Variants in AGBL1 observed in about 807,000 individuals in gnomAD.
AGBL1 encodes the protein cytosolic carboxypeptidase 4.
Under a neutral mutation model 118.9 loss-of-function variants are expected in AGBL1, and 130 were observed. The observed-to-expected ratio is 1.09, with a 90% CI of 0.95 to 1.26. AGBL1 has a LOEUF of 1.26. AGBL1 is among the 50% of genes most tolerant of loss of function. The pLI is 0.00. For missense variants in AGBL1, 1,584 were observed against 1,298.1 expected, an observed-to-expected ratio of 1.22 and a Z score of -3.38; for synonymous variants, 555 against 478.9, an observed-to-expected ratio of 1.16 and a Z score of -2.08.
intron 24 of AGBL1, among the ~76,000 whole-genome samples, chr15:86,996,166 C>A (rs571486542): frequency 1.5e-4 from 23 of 152,250 alleles, no homozygotes; most frequent in South Asian, 1.0e-3. Flanking sequence ...ATATACCCAA[C>A]TTTTTACTGA....
At chr15:86,445,876 G>A (rs903483320) in intron 18 of AGBL1, among the ~76,000 whole-genome samples, 8 of 152,278 alleles carry the variant, frequency 5.3e-5, no homozygotes, top group Admixed American at 1.3e-4. Context: ...TGTAAAAGTC[G>A]ACAGTGACAT....
intron 5 of AGBL1, among the ~76,000 whole-genome samples, chr15:86,183,613 G>A (rs1011446716): frequency 4.6e-5 from 7 of 152,114 alleles, no homozygotes; most frequent in African/African-American, 1.4e-4. Context: ...TTTTACTGGA[G>A]CCCAAGGGCT....
intron 21 of AGBL1, among the ~76,000 whole-genome samples, chr15:86,638,357 C>T (rs1201611476): frequency 1.3e-5 from 2 of 152,170 alleles, no homozygotes; most frequent in South Asian, 4.1e-4. Context: ...TTGTAATGAT[C>T]TTCCAAGGAA....
chr15:86,528,095 G>T (rs187984084), intron 19 of AGBL1, among the ~76,000 whole-genome samples: 2 of 152,094 alleles, frequency 1.3e-5, no homozygotes, highest in Admixed American at 6.5e-5. Flanking sequence ...TCCTTTTCTG[G>T]GGGGAGGAGC....
At chr15:86,607,093 C>T (rs2084588560) in intron 21 of AGBL1, among the ~76,000 whole-genome samples, 2 of 152,190 alleles carry the variant, frequency 1.3e-5, no homozygotes, top group South Asian at 4.1e-4. Context: ...TGGCTTCTTT[C>T]ACTTAGCAAT....
At chr15:86,631,213 C>T (rs924851648) in intron 21 of AGBL1, 5 of 152,302 alleles carry the variant, frequency 3.3e-5, no homozygotes, top group African/African-American at 1.2e-4. Context: ...AGGAGTTATT[C>T]ATCTCCTTAA....
chr15:86,350,549 C>G (rs960652955), intron 17 of AGBL1, among the ~76,000 whole-genome samples: 3 of 152,170 alleles, frequency 2.0e-5, no homozygotes, highest in Admixed American at 1.3e-4. Flanking sequence ...CTGTTTTTCT[C>G]TAGTAGCAGT....
intron 21 of AGBL1, among the ~76,000 whole-genome samples, chr15:86,574,916 C>T (rs879500997): frequency 6.6e-5 from 10 of 151,678 alleles, no homozygotes; most frequent in Non-Finnish European, 1.2e-4. Context: ...CATGGCTGGG[C>T]GTGGTGACTC....
Position 86,909,482 on chromosome 15 carries a change from CATT to C in AGBL1, c.*2193_*2195del, listed in dbSNP as rs2080321935. The C allele has an allele frequency of 6.6e-6, 1 of 152,194 alleles. No homozygotes were observed. The allele number at this position is 152,194 out of a possible 1,614,324, so 9.4% of individuals were successfully genotyped here. A position where few individuals can be genotyped will look rare whatever the true frequency, so the allele number is the denominator to read the frequency against. ...GTGTTGTGATTTTGGGAGTTGATAACATTATTAATAGTCTCTTATTTTTTTAAC... is the reference window on the plus strand; with the variant it reads ...GTGTTGTGATTTTGGGAGTTGATAACATTAATAGTCTCTTATTTTTTTAAC... On this transcript the variant is annotated 3_prime_UTR_variant, in exon 23 of 23. Transcript: ENST00000614907.
At chr15:86,799,282 T>C (rs1396944862) in intron 22 of AGBL1, among the ~76,000 whole-genome samples, 1 of 152,108 alleles carries the variant, frequency 6.6e-6, no homozygotes, top group Non-Finnish European at 1.5e-5. Context: ...CAACTGTAAT[T>C]TTCTAGGGCC....
rs145801644 is a variant in AGBL1, at chr15:86,286,059, C to T, written c.2220+6276C>T. On this transcript the variant is annotated intron_variant, in intron 16 of 22. Coordinates refer to ENST00000614907, the MANE Select transcript of AGBL1 (RefSeq NM_001386094.1). ...GCTTAATTGTAATATCACAGAATGA[C>T]GACTACTGCTTTTTGTTTTTCATTT... Among the ~76,000 whole-genome samples the T allele has an allele frequency of 1.2e-3, 181 of 152,008 alleles. 1 individual carries two copies. The highest frequency in any genetic ancestry group is 4.0e-3 in the African/African-American group (165 of 41,512).
intron 22 of AGBL1, among the ~76,000 whole-genome samples, chr15:86,803,018 TAAGG>T (rs2078670989): frequency 1.3e-5 from 2 of 152,158 alleles, no homozygotes; most frequent in Non-Finnish European, 2.9e-5. Flanking sequence ...GAAATTTTCC[TAAGG>T]AAGTGAGGGT....
At chr15:86,124,345 A>C (rs998039103) in intron 1 of AGBL1, among the ~76,000 whole-genome samples, 1 of 151,352 alleles carries the variant, frequency 6.6e-6, no homozygotes, top group Non-Finnish European at 1.5e-5. Flanking sequence ...AAAAAAAAAA[A>C]AACAAAGAAA....
chr15:86,428,819 T>C (rs1000626122), intron 18 of AGBL1, among the ~76,000 whole-genome samples: 3 of 152,224 alleles, frequency 2.0e-5, no homozygotes, highest in African/African-American at 7.2e-5. Context: ...CATGAAACCC[T>C]TTCTTGCTTT....
rs1327621764 is a variant in AGBL1 at position 86,951,922 on chromosome 15, C to T, written c.3222-36065C>T. Among the ~76,000 whole-genome samples, 3 of 152,216 alleles carry T rather than the reference C, an allele frequency of 2.0e-5. No homozygotes were observed. The East Asian group carries it at 5.8e-4, about 29-fold the overall frequency. On this transcript the variant is annotated intron_variant, in intron 23 of 24. Transcript: ENST00000441037. ...GGTAACATTGTTTCCATGAAATCAA[C>T]TTTGTCTGCTGTTAATATAGTCACT...
chr15:86,215,217 ATGTATGCGTGTGTGTGTG>A (rs2078166203), intron 5 of AGBL1, among the ~76,000 whole-genome samples: 1 of 128,216 alleles, frequency 7.8e-6, no homozygotes, highest in African/African-American at 3.0e-5. Context: ...GTGAGTGTAT[ATGTATGCGTGTGTGTGTG>A]TGTGTGTGTG....
rs1437769969 is a variant in AGBL1 at position 86,981,073 on chromosome 15, G to A, written c.3222-6914G>A. Among the ~76,000 whole-genome samples, 4 of 152,044 alleles carry A rather than the reference G, an allele frequency of 2.6e-5. No individual in the cohort carries two copies. The South Asian group carries it at 6.2e-4, about 24-fold the overall frequency. On this transcript the variant is annotated intron_variant, in intron 23 of 24. Transcript: ENST00000441037. ...GGCTAACTTTTGTATTTTCAGTAGA[G>A]ACAGGGTTTCACCATATTGGTCAGA...
chr15:86,776,748 ATATGTGTGTGTGTG>A (rs1173794166), intron 22 of AGBL1, among the ~76,000 whole-genome samples: 8 of 106,510 alleles, frequency 7.5e-5, no homozygotes, highest in African/African-American at 3.9e-4. Flanking sequence ...TTATATATAT[ATATGTGTGTGTGTG>A]TGTGTGTGTG....
In AGBL1 at chr15:86,857,541, G is replaced by A. The variant is rs183514120; in HGVS notation, c.3159-49546G>A. ...ACTTCGCCCCACCTGCCTCTACCTGGCTAACTATTCCTTACTTTGAATCTC... is the reference window on the plus strand; with the variant it reads ...ACTTCGCCCCACCTGCCTCTACCTGACTAACTATTCCTTACTTTGAATCTC... On this transcript the variant is annotated intron_variant, in intron 22 of 22. Coordinates refer to ENST00000614907, the MANE Select transcript of AGBL1 (RefSeq NM_001386094.1). Among the ~76,000 whole-genome samples the A allele has an allele frequency of 3.3e-5, 5 of 152,202 alleles. No homozygotes were observed. The East Asian group carries it at 9.7e-4, about 29-fold the overall frequency.
Sources: gnomAD v4.1 joint callset for allele counts (sites outside exome capture counted in the v4.1 genomes callset) on GRCh38, gnomAD v4.1.1 for gene constraint, MANE v1.5 for transcripts, NCBI Gene and HGNC (gene_info 2026-07-23, HGNC 2026-07-21) for gene names.